The following NTN4 variants were observed in gnomAD, a reference collection of about 807,000 sequenced individuals.
NTN4 encodes netrin-4.
Under a neutral mutation model 73.6 loss-of-function variants are expected in NTN4, and 32 were observed. That is an observed-to-expected ratio of 0.44 (90% CI 0.33 to 0.58). The LOEUF is 0.58. Among genes scored for constraint, NTN4 ranks in the 20% least tolerant of loss-of-function variants. The pLI is 0.04. For synonymous variants in NTN4, 258 were observed against 287.5 expected (o/e 0.90, Z 1.04); for missense variants, 654 against 798.3 (o/e 0.82, Z 2.18).
chr12:95,693,232 A>T (rs1478409107), intron 5 of NTN4, among the ~76,000 whole-genome samples: 2 of 152,056 alleles, frequency 1.3e-5, no homozygotes, highest in Admixed American at 6.6e-5. Context: ...TACCCGAGGT[A>T]GTTCAGGGTG....
intron 3 of NTN4, among the ~76,000 whole-genome samples, chr12:95,716,971 A>C (rs1167957375): frequency 1.3e-5 from 2 of 151,808 alleles, no homozygotes; most frequent in Non-Finnish European, 2.9e-5. Flanking sequence ...CACCATGCCC[A>C]GCTAATTTTT....
intron 3 of NTN4, among the ~76,000 whole-genome samples, chr12:95,716,637 C>G (rs2078607761): frequency 6.6e-6 from 1 of 152,018 alleles, no homozygotes; most frequent in Non-Finnish European, 1.5e-5. Context: ...TCTTCTCCAG[C>G]TTTCCCCCCA....
chr12:95,752,619 G>A (rs1220479523), intron 2 of NTN4, among the ~76,000 whole-genome samples: 2 of 150,514 alleles, frequency 1.3e-5, no homozygotes, highest in African/African-American at 2.4e-5. Context: ...AAAAACACAC[G>A]TGCTCTCCCT....
At position 95,710,515 on chromosome 12, in the gene NTN4, T is replaced by C; in HGVS notation, c.1106A>G (p.Gln369Arg). The change falls in exon 5 of 10, where the codon CAG (glutamine) becomes CGG (arginine). Residue 369 changes from glutamine to arginine, a missense_variant. By Grantham distance (43) the Gln-to-Arg change is conservative. Coordinates refer to ENST00000343702, the MANE Select transcript of NTN4 (RefSeq NM_021229.4). ...CDDCQHNTEG[Q>R]YCQRCKPGFY... ...GCCTGGCTTGCACCTCTGGCAATAC[T>C]GTCCTTCTGTGTTGTGCTGACAGTC... 2 of 1,614,170 alleles carry C rather than the reference T, an allele frequency of 1.2e-6. No homozygotes were observed. Among genetic ancestry groups the C allele is most frequent in the East Asian group, 2.2e-5 (1 of 44,886 alleles).
Position 95,672,317 on chromosome 12 carries a change from A to G in NTN4, c.1511-2171T>C. On this transcript the variant is annotated intron_variant, in intron 7 of 9. Transcript: ENST00000343702. The stretch of plus-strand genomic sequence containing the variant: ...CAAGCCCGCCGCCATGGCCGCCTAC[A>G]AACTGGTGCTGATCCAGCATGGAGA... 3.8e-6 allele frequency: 3 copies of G among 782,762 alleles called. No homozygotes were observed. In the South Asian group the frequency reaches 4.0e-5, roughly 10 times the overall value. The allele number at this position is 782,762 out of a possible 1,614,324, so 48.5% of individuals were successfully genotyped here.
In NTN4 at chr12:95,676,226, C is replaced by A. The variant is rs528450016; in HGVS notation, c.1511-6080G>T. On this transcript the variant is annotated intron_variant, in intron 7 of 9. Coordinates refer to ENST00000343702, the MANE Select transcript of NTN4 (RefSeq NM_021229.4). Reference sequence around the variant, plus strand: ...TCAAGTGATTCTCCTGCCTTAGCCTCCCAAGTAGCTGGGATCACAGGTACG... The same window carrying A: ...TCAAGTGATTCTCCTGCCTTAGCCTACCAAGTAGCTGGGATCACAGGTACG... Among the ~76,000 whole-genome samples the A allele has an allele frequency of 6.6e-5, 10 of 152,218 alleles. No homozygotes were observed. In the South Asian group the frequency reaches 1.0e-3, roughly 16 times the overall value.
rs1395868333 is a variant in NTN4, at chr12:95,787,163, G to A, written c.361C>T (p.Leu121=). 1.2e-6 allele frequency: 2 copies of A among 1,614,082 alleles called. No individual in the cohort carries two copies. Residue 121 remains leucine (L), a synonymous_variant, in exon 2 of 10, where the codon CTG becomes TTG. Coordinates refer to ENST00000343702, the MANE Select transcript of NTN4 (RefSeq NM_021229.4). ...DVHREKIQLD[L]EAEFYFTHLI... ...TGAGTGAAGTAGAATTCAGCTTCCAGGTCTAACTGGATCTTTTCTCTGTGC... is the reference window on the plus strand; with the variant it reads ...TGAGTGAAGTAGAATTCAGCTTCCAAGTCTAACTGGATCTTTTCTCTGTGC...
At chr12:95,697,109 A>G (rs1331718601) in intron 5 of NTN4, among the ~76,000 whole-genome samples, 1 of 152,008 alleles carries the variant, frequency 6.6e-6, no homozygotes, top group Non-Finnish European at 1.5e-5. Flanking sequence ...CAAGAGGTCA[A>G]GGCTGCAGTG....
intron 7 of NTN4, among the ~76,000 whole-genome samples, chr12:95,675,344 C>T (rs1017006943): frequency 6.6e-6 from 1 of 152,166 alleles, no homozygotes; most frequent in South Asian, 2.1e-4. Flanking sequence ...CATATGTTCT[C>T]TATGAGAAGG....
chr12:95,668,894 G>A (rs1256287488), intron 8 of NTN4, among the ~76,000 whole-genome samples: 1 of 152,252 alleles, frequency 6.6e-6, no homozygotes, highest in Non-Finnish European at 1.5e-5. Flanking sequence ...GGGAGGCCGA[G>A]GCAGGCGGAT....
chr12:95,703,465 C>T lies in NTN4; in HGVS notation c.1180+6976G>A, dbSNP rs192187998. 4.0e-3 allele frequency among the ~76,000 whole-genome samples: 605 copies of T among 152,160 alleles called. 2 individuals are homozygous for T. Among genetic ancestry groups the T allele is most frequent in the African/African-American group, 0.014 (583 of 41,514 alleles). The stretch of plus-strand genomic sequence containing the variant: ...ATTTTCCAGTGTGTGCTATAGAACA[C>T]GGGTCCCAAAAGATGCTTTGAAAGA... On this transcript the variant is annotated intron_variant, in intron 5 of 9. Transcript: ENST00000343702.
rs67432613 is a variant in NTN4 at position 95,684,467 on chromosome 12, TA to T, written c.1181-757del. 3.3e-4 allele frequency among the ~76,000 whole-genome samples: 43 copies of T among 129,820 alleles called. 1 individual carries two copies. Among genetic ancestry groups the T allele is most frequent in the Non-Finnish European group, 3.9e-4 (22 of 55,826 alleles). The allele number at this position is 129,820 out of a possible 152,430, so 85.2% of individuals were successfully genotyped here. A position where few individuals can be genotyped will look rare whatever the true frequency, so the allele number is the denominator to read the frequency against. On this transcript the variant is annotated intron_variant, in intron 5 of 9. Coordinates refer to ENST00000343702, the MANE Select transcript of NTN4 (RefSeq NM_021229.4). ...GCCGGCACCATCATACCTGGCTACT[TA>T]AAAAAAATTTTTTTTTTTTTGTAGA... is the stretch of plus-strand genomic sequence containing the variant.
chr12:95,693,042 C>T (rs1054537772), intron 5 of NTN4, among the ~76,000 whole-genome samples: 9 of 151,928 alleles, frequency 5.9e-5, no homozygotes, highest in Admixed American at 3.9e-4. Context: ...GAAACGTATT[C>T]GTATAAAAAT....
intron 2 of NTN4, among the ~76,000 whole-genome samples, chr12:95,749,376 A>T (rs1183385125): frequency 2.6e-5 from 4 of 152,158 alleles, no homozygotes; most frequent in African/African-American, 9.7e-5. Flanking sequence ...TCCACCTATG[A>T]CCTCAGGTCC....
chr12:95,711,858 A>G (rs139922155), intron 4 of NTN4, among the ~76,000 whole-genome samples: 68 of 152,320 alleles, frequency 4.5e-4, no homozygotes, highest in Non-Finnish European at 8.2e-4. Context: ...TAGAATAAGA[A>G]TCCAGATTTT....
intron 6 of NTN4, among the ~76,000 whole-genome samples, chr12:95,683,249 A>G (rs2078332965): frequency 1.3e-5 from 2 of 152,012 alleles, no homozygotes; most frequent in South Asian, 4.2e-4. Context: ...TTTAGTAGAG[A>G]TGGGGTTTCA....
chr12:95,682,423 C>CTT lies in NTN4; in HGVS notation c.1510+282_1510+283dup, dbSNP rs11433684. Among the ~76,000 whole-genome samples, 140 of 136,466 alleles carry CTT rather than the reference C, an allele frequency of 1.0e-3. 1 individual carries two copies. The highest frequency in any genetic ancestry group is 3.1e-3 in the Admixed American group (42 of 13,720). The allele number at this position is 136,466 out of a possible 152,430, so 89.5% of individuals were successfully genotyped here. On this transcript the variant is annotated intron_variant, in intron 7 of 9. Transcript: ENST00000343702. The stretch of plus-strand genomic sequence containing the variant: ...GGAATAATGAGATTTTGGGTGACCT[C>CTT]TTTTTTTTTTTTTTTTACTATGATG...
chr12:95,688,991 A>T (rs779537128), intron 5 of NTN4, among the ~76,000 whole-genome samples: 1 of 152,086 alleles, frequency 6.6e-6, no homozygotes, highest in African/African-American at 2.4e-5. Flanking sequence ...CTCTTTAACC[A>T]ATAATCATTA....
chr12:95,733,836 G>A (rs1266267135), intron 3 of NTN4, among the ~76,000 whole-genome samples: 2 of 152,046 alleles, frequency 1.3e-5, no homozygotes, highest in African/African-American at 2.4e-5. Context: ...TTGGAAGGCC[G>A]AGGCAAGCAG....
Sources: gnomAD v4.1 joint callset for allele counts (sites outside exome capture counted in the v4.1 genomes callset) on GRCh38, gnomAD v4.1.1 for gene constraint, MANE v1.5 for transcripts, NCBI Gene and HGNC (gene_info 2026-07-23, HGNC 2026-07-21) for gene names.